The following BCAR3 variants were observed in gnomAD, a reference collection of about 807,000 sequenced individuals.
BCAR3 encodes the protein BCAR3 adaptor protein, NSP family member, also known as breast cancer anti-estrogen resistance protein 3.
BCAR3 carries 37 observed loss-of-function variants against 80.1 expected under a neutral mutation model. The observed-to-expected ratio is 0.46, with a 90% CI of 0.36 to 0.61. The LOEUF (loss-of-function observed/expected upper bound fraction) is 0.61. Ranked by LOEUF, BCAR3 falls within the 20% of genes least tolerant of loss-of-function variation. BCAR3 has a pLI of 0.00. For missense variants in BCAR3, 978 were observed against 1,068.2 expected (o/e 0.92, Z 1.18); for synonymous variants, 389 against 418.9 (o/e 0.93, Z 0.87).
chr1:93,651,149 G>A (rs1042074707), intron 2 of BCAR3, among the ~76,000 whole-genome samples: 19 of 152,338 alleles, frequency 1.2e-4, no homozygotes, highest in Non-Finnish European at 2.8e-4. Flanking sequence ...TTTAGCTTGG[G>A]TGAGAGTGGG....
At chr1:93,615,605 G>A (rs1209090934) in intron 3 of BCAR3, among the ~76,000 whole-genome samples, 1 of 152,168 alleles carries the variant, frequency 6.6e-6, no homozygotes. Context: ...TTTCTGAGCT[G>A]GAAGAGCCCT....
chr1:93,611,823 C>T (rs892882207), intron 3 of BCAR3, among the ~76,000 whole-genome samples: 2 of 152,184 alleles, frequency 1.3e-5, no homozygotes, highest in African/African-American at 2.4e-5. Context: ...TTAATACCAT[C>T]GTACTTTCTC....
chr1:93,647,876 G>A (rs1204278831), intron 2 of BCAR3, among the ~76,000 whole-genome samples: 3 of 151,890 alleles, frequency 2.0e-5, no homozygotes, highest in Non-Finnish European at 4.4e-5. Context: ...GGGTTCAAGC[G>A]ATTCTCCTGA....
intron 3 of BCAR3, among the ~76,000 whole-genome samples, chr1:93,601,283 A>T (rs1359961375): frequency 6.6e-6 from 1 of 152,250 alleles, no homozygotes; most frequent in Non-Finnish European, 1.5e-5. Context: ...CAGAGGTTTT[A>T]GAGATATCTG....
chr1:93,562,302 T>C lies in BCAR3; in HGVS notation c.2417A>G (p.Gln806Arg), dbSNP rs1485177013. 6.2e-7 allele frequency: 1 copy of C among 1,614,108 alleles called. No individual in the cohort carries two copies. Among genetic ancestry groups the C allele is most frequent in the South Asian group, 1.1e-5 (1 of 91,060 alleles). The change falls in exon 12 of 12, where the codon CAG becomes CGG. Residue 806 changes from glutamine (Q) to arginine (R), a missense_variant. Physicochemically the swap from Gln to Arg is conservative, Grantham distance 43. Transcript: ENST00000260502. Reference sequence around the variant, plus strand: ...TTTACGCGAGAGGGCAGTTAAAATCTGGTTGAATTTCTCATATCTCTCTGT... The same window carrying C: ...TTTACGCGAGAGGGCAGTTAAAATCCGGTTGAATTTCTCATATCTCTCTGT... ...NQTERYEKFN[Q>R]ILTALSRKLE...
At chr1:93,697,119 C>G (rs1407030176) in intron 3 of BCAR3, among the ~76,000 whole-genome samples, 1 of 152,254 alleles carries the variant, frequency 6.6e-6, no homozygotes, top group Non-Finnish European at 1.5e-5. Context: ...AAGGGAGTGG[C>G]CTCTCCTGGC....
intron 2 of BCAR3, among the ~76,000 whole-genome samples, chr1:93,669,375 A>G (rs994680481): frequency 2.0e-5 from 3 of 152,182 alleles, no homozygotes; most frequent in African/African-American, 7.2e-5. Context: ...CTTTGCTTCA[A>G]CCTTGAAGAT....
intron 3 of BCAR3, among the ~76,000 whole-genome samples, chr1:93,613,630 C>A (rs758758710): frequency 1.3e-5 from 2 of 152,178 alleles, no homozygotes; most frequent in African/African-American, 4.8e-5. Flanking sequence ...ACAGCTTCAG[C>A]CCAAAACAGA....
chr1:93,589,354 C>T lies in BCAR3; in HGVS notation c.552G>A (p.Gly184=), dbSNP rs1289149532. ...TCCACTGACAGGTCAGGACAAAGTTCCCAGGGCTGGACAGAGAGTCACGAA... is the reference window on the plus strand; with the variant it reads ...TCCACTGACAGGTCAGGACAAAGTTTCCAGGGCTGGACAGAGAGTCACGAA... ...FLVRDSLSSP[G]NFVLTCQWKN... Residue 184 remains glycine, a synonymous_variant, in exon 5 of 12, where the codon GGG becomes GGA. Coordinates refer to ENST00000260502, the MANE Select transcript of BCAR3 (RefSeq NM_003567.4). The T allele has an allele frequency of 1.2e-6, 2 of 1,614,096 alleles. No individual in the cohort carries two copies. The highest frequency in any genetic ancestry group is 1.7e-5 in the Admixed American group (1 of 60,018).
chr1:93,718,695 T>C (rs996582292), intron 2 of BCAR3, among the ~76,000 whole-genome samples: 35 of 110,964 alleles, frequency 3.2e-4, no homozygotes, highest in East Asian at 9.0e-4. Context: ...TTTCTTTTTT[T>C]TTTTTTTTTT....
At position 93,642,284 on chromosome 1, in the gene BCAR3, G is replaced by C; in HGVS notation, c.357+20C>G. 6.2e-7 allele frequency: 1 copy of C among 1,612,118 alleles called. No individual in the cohort carries two copies. On this transcript the variant is annotated intron_variant, in intron 3 of 11. Transcript: ENST00000260502. ...CTACTACCCAGGGTCACGGCTACAT[G>C]TTTAATTCTCATTTCCTACCTTCAC...
intron 2 of BCAR3, among the ~76,000 whole-genome samples, chr1:93,709,348 C>G (rs1649937794): frequency 6.6e-6 from 1 of 152,226 alleles, no homozygotes; most frequent in African/African-American, 2.4e-5. Flanking sequence ...TCCAAGCCAG[C>G]CTGCGGTCTG....
chr1:93,686,978 C>T (rs915043658), intron 3 of BCAR3, among the ~76,000 whole-genome samples: 1 of 152,194 alleles, frequency 6.6e-6, no homozygotes, highest in Admixed American at 6.5e-5. Context: ...GTTAAATGTG[C>T]CTTACAGCAC....
chr1:93,603,778 G>A (rs1210612586), intron 3 of BCAR3, among the ~76,000 whole-genome samples: 2 of 152,226 alleles, frequency 1.3e-5, no homozygotes, highest in Non-Finnish European at 1.5e-5. Flanking sequence ...AGCCGCAGCT[G>A]TGATGGAAGG....
intron 2 of BCAR3, among the ~76,000 whole-genome samples, chr1:93,756,465 G>A (rs145274360): frequency 4.0e-4 from 61 of 152,278 alleles, no homozygotes; most frequent in African/African-American, 1.4e-3. Context: ...GTGACTAACC[G>A]AAGAGCCCAG....
chr1:93,634,655 A>G (rs1675722471), intron 3 of BCAR3, among the ~76,000 whole-genome samples: 1 of 151,882 alleles, frequency 6.6e-6, no homozygotes, highest in Admixed American at 6.6e-5. Context: ...AGATCATGCC[A>G]CTGCACTCCA....
chr1:93,742,003 C>T (rs914328668), intron 2 of BCAR3, among the ~76,000 whole-genome samples: 1 of 152,324 alleles, frequency 6.6e-6, no homozygotes, highest in South Asian at 2.1e-4. Context: ...TAATTTAAAT[C>T]AGAGCCCGTG....
intron 3 of BCAR3, among the ~76,000 whole-genome samples, chr1:93,636,956 A>T (rs1265374252): frequency 6.6e-6 from 1 of 151,888 alleles, no homozygotes; most frequent in Non-Finnish European, 1.5e-5. Flanking sequence ...AAAATTAGGC[A>T]TGGTGGTGGT....
At chr1:93,606,283 C>G (rs1674769923) in intron 3 of BCAR3, among the ~76,000 whole-genome samples, 1 of 152,218 alleles carries the variant, frequency 6.6e-6, no homozygotes. Context: ...CTTAAAGACA[C>G]AAGATACTCA....
Sources: gnomAD v4.1 joint callset for allele counts (sites outside exome capture counted in the v4.1 genomes callset) on GRCh38, gnomAD v4.1.1 for gene constraint, MANE v1.5 for transcripts, NCBI Gene and HGNC (gene_info 2026-07-23, HGNC 2026-07-21) for gene names.